AKAP12: variants seen among roughly 807,000 people sequenced by gnomAD.
AKAP12 encodes A-kinase anchor protein 12.
In AKAP12, 32 loss-of-function variants were observed where a neutral mutation model predicts 79.9. The ratio of observed to expected loss-of-function variants is 0.40; its 90% CI spans 0.30 to 0.54. AKAP12 has a LOEUF of 0.54. Among genes scored for constraint, AKAP12 ranks in the 20% least tolerant of loss-of-function variants. The pLI, the probability that AKAP12 is intolerant of heterozygous loss-of-function variation, is 0.48. For missense variants in AKAP12, 2,074 were observed against 2,177.0 expected (o/e 0.95, Z 0.94); for synonymous variants, 808 against 857.0 (o/e 0.94, Z 1.00).
At position 151,349,667 on chromosome 6, in the gene AKAP12, G is replaced by C. The variant is rs762384015; in HGVS notation, c.1276G>C (p.Glu426Gln). 1.2e-6 allele frequency: 2 copies of C among 1,614,140 alleles called. No individual in the cohort carries two copies. The highest frequency in any genetic ancestry group is 3.3e-5 in the Admixed American group (2 of 60,004). Residue 426 changes from glutamate to glutamine, a missense_variant, in exon 4 of 5, where the codon GAG becomes CAG. By Grantham distance (29) the Glu-to-Gln change is conservative. This residue lies in a region of AKAP12 where 1,428 missense variants were observed against 1,451.0 expected (regional missense o/e 0.98). Coordinates refer to ENST00000402676, the MANE Select transcript of AKAP12 (RefSeq NM_005100.4). ...CGAAGTCCACGTCAGCACCGTGGAG[G>C]AGAGAACCGAAGAGCAGAAAACGGA... ...VAEVHVSTVE[E>Q]RTEEQKTEVE...
chr6:151,250,273 G>A (rs1797148642), intron 2 of AKAP12, among the ~76,000 whole-genome samples: 1 of 151,638 alleles, frequency 6.6e-6, no homozygotes, highest in African/African-American at 2.4e-5. Context: ...TGAGGCAGGT[G>A]GATCATTTGA....
chr6:151,265,381 T>C (rs368084906), intron 2 of AKAP12, among the ~76,000 whole-genome samples: 1 of 152,356 alleles, frequency 6.6e-6, no homozygotes, highest in East Asian at 1.9e-4. Context: ...GTCTGACTTA[T>C]GTTCATATGA....
intron 3 of AKAP12, among the ~76,000 whole-genome samples, chr6:151,307,736 AG>A (rs1380173787): frequency 6.6e-6 from 1 of 152,208 alleles, no homozygotes; most frequent in Admixed American, 6.5e-5. Flanking sequence ...TGATTTTCAC[AG>A]TGAGTGATTC....
At chr6:151,266,439 G>A (rs571603168) in intron 2 of AKAP12, among the ~76,000 whole-genome samples, 181 of 152,300 alleles carry the variant, frequency 1.2e-3, no homozygotes, top group Middle Eastern at 0.01. Flanking sequence ...TGAAGATGGC[G>A]TAAGGAGGAA....
chr6:151,275,038 A>C (rs1378558004), intron 2 of AKAP12, among the ~76,000 whole-genome samples: 1 of 152,142 alleles, frequency 6.6e-6, no homozygotes, highest in Non-Finnish European at 1.5e-5. Context: ...TGGGAGGTCG[A>C]GGCTGCAGTG....
intron 3 of AKAP12, among the ~76,000 whole-genome samples, chr6:151,326,115 G>C (rs533617552): frequency 6.6e-6 from 1 of 152,328 alleles, no homozygotes; most frequent in East Asian, 1.9e-4. Context: ...GGCTGAGCTG[G>C]AATCTTCTTG....
At chr6:151,354,091 G>GT (rs1248986178) in intron 4 of AKAP12, among the ~76,000 whole-genome samples, 2 of 151,042 alleles carry the variant, frequency 1.3e-5, no homozygotes, top group Admixed American at 6.6e-5. Context: ...ATCTTGTTGA[G>GT]TTTTTTTAAA....
chr6:151,263,579 T>A (rs1041348476), intron 2 of AKAP12, among the ~76,000 whole-genome samples: 26 of 151,812 alleles, frequency 1.7e-4, no homozygotes, highest in African/African-American at 6.3e-4. Context: ...TTTCTTTTCT[T>A]TTCTTTTTTA....
At chr6:151,260,308 G>T (rs1182651748) in intron 2 of AKAP12, among the ~76,000 whole-genome samples, 1 of 152,064 alleles carries the variant, frequency 6.6e-6, no homozygotes, top group East Asian at 1.9e-4. Context: ...CTTTTGATTC[G>T]ATCGCTCTTG....
chr6:151,280,731 T>TC (rs34829951), intron 2 of AKAP12: 136,391 of 149,418 alleles, frequency 0.91, 62,618 homozygotes, highest in East Asian at 1. Context: ...AACCCCAAAG[T>TC]CTGGGCTCAA....
chr6:151,318,508 C>T (rs60734986), intron 3 of AKAP12, among the ~76,000 whole-genome samples: 68 of 152,316 alleles, frequency 4.5e-4, no homozygotes, highest in Admixed American at 6.5e-4. Flanking sequence ...GATGCTGTTT[C>T]GAGTCTTCAT....
chr6:151,357,849 A>G lies in AKAP12; in HGVS notation c.*2135A>G, dbSNP rs1180260788. 6.6e-6 allele frequency: 1 copy of G among 152,018 alleles called. No homozygotes were observed. The highest frequency in any genetic ancestry group is 1.5e-5 in the Non-Finnish European group (1 of 68,026). The allele number at this position is 152,018 out of a possible 1,614,324, so 9.4% of individuals were successfully genotyped here. ...TTGACTTCCTCTCTATGGCAGGAAG[A>G]CATTCTGTGCTGTTTTGAACAGATT... On this transcript the variant is annotated 3_prime_UTR_variant, in exon 5 of 5. Coordinates refer to ENST00000402676, the MANE Select transcript of AKAP12 (RefSeq NM_005100.4).
intron 3 of AKAP12, 184 bp from the exon 4 acceptor site, chr6:151,348,527 T>C: frequency 1.6e-6 from 1 of 621,410 alleles, no homozygotes; most frequent in South Asian, 1.8e-5. Flanking sequence ...TAGTCCCAGC[T>C]ACTCGGGATG....
Position 151,353,594 on chromosome 6 carries a change from CAA to C in AKAP12, c.5207_5208del (p.Lys1736ArgfsTer18). 1 of 1,613,920 alleles carries C rather than the reference CAA, an allele frequency of 6.2e-7. No homozygotes were observed. The highest frequency in any genetic ancestry group is 8.5e-7 in the Non-Finnish European group (1 of 1,179,954). Reference protein sequence around the residue: ...KESPDTNGPKQKEKEDAQEVE... With the variant: ...KESPDTNGPKXKEKEDAQEVE... ...GTCCCCAGATACAAATGGACCAAAA[CAA>C]AAAGAGAAGGAGGATGCCCAGGAAG... On this transcript the variant is annotated frameshift_variant, in exon 4 of 5. Transcript: ENST00000402676. LOFTEE classifies it low-confidence loss of function (END_TRUNC).
At chr6:151,324,000 T>C (rs1777462425) in intron 3 of AKAP12, 1 of 985,422 alleles carries the variant, frequency 1.0e-6, no homozygotes, top group Non-Finnish European at 1.2e-6. Context: ...ATCCATGATT[T>C]GCACAGCCAG....
chr6:151,262,062 T>A (rs754525345), intron 2 of AKAP12, among the ~76,000 whole-genome samples: 2 of 152,024 alleles, frequency 1.3e-5, no homozygotes, highest in African/African-American at 2.4e-5. Flanking sequence ...AGATTCTCCT[T>A]CCTCAGCCTC....
At chr6:151,266,300 A>G (rs888409732) in intron 2 of AKAP12, among the ~76,000 whole-genome samples, 4 of 152,202 alleles carry the variant, frequency 2.6e-5, no homozygotes, top group African/African-American at 9.6e-5. Context: ...TACTTCAATT[A>G]TCTTCTGTCA....
intron 2 of AKAP12, among the ~76,000 whole-genome samples, chr6:151,243,626 T>C (rs1028109716): frequency 3.3e-5 from 5 of 152,200 alleles, no homozygotes; most frequent in Non-Finnish European, 7.3e-5. Context: ...TCTTTTGTAA[T>C]CTTTATTTTT....
intron 3 of AKAP12, among the ~76,000 whole-genome samples, chr6:151,315,673 G>A (rs1777217999): frequency 1.3e-5 from 2 of 152,136 alleles, no homozygotes; most frequent in African/African-American, 2.4e-5. Context: ...ATAGTCTAGA[G>A]CATGATGTCC....
Sources: gnomAD v4.1 joint callset for allele counts (sites outside exome capture counted in the v4.1 genomes callset) on GRCh38, gnomAD v4.1.1 for gene constraint, gnomAD v4.1.1 regional missense constraint, MANE v1.5 for transcripts, NCBI Gene and HGNC (gene_info 2026-07-23, HGNC 2026-07-21) for gene names.